Variants in PCDHGA2 observed in about 807,000 individuals in gnomAD.
PCDHGA2 encodes protocadherin gamma-A2.
A neutral mutation model predicts 59.2 loss-of-function variants in PCDHGA2; 40 were observed. The observed-to-expected ratio is 0.68, with a 90% confidence interval of 0.52 to 0.88. PCDHGA2 has a LOEUF of 0.88. PCDHGA2 is among the 40% of genes least tolerant of loss of function. The pLI, the probability that PCDHGA2 is intolerant of heterozygous loss-of-function variation, is 0.00. For synonymous variants in PCDHGA2, 560 were observed against 526.0 expected (o/e 1.06, Z -0.89); for missense variants, 1,226 against 1,204.0 (o/e 1.02, Z -0.27).
chr5:141,404,073 G>A lies in PCDHGA2; in HGVS notation c.2424+62678G>A, dbSNP rs746951310. On this transcript the variant is annotated intron_variant, in intron 1 of 3. Transcript: ENST00000394576. The stretch of plus-strand genomic sequence containing the variant: ...ATTCTTCTTTTCAATGCTCATGACC[G>A]AGACTCCGGGAAGAATGGTCAAGTT... The A allele has an allele frequency of 1.5e-5, 24 of 1,613,602 alleles. No individual in the cohort carries two copies. Among genetic ancestry groups the A allele is most frequent in the Non-Finnish European group, 1.9e-5 (22 of 1,179,684 alleles).
At chr5:141,346,518 C>T (rs750717219) in intron 1 of PCDHGA2, 8 of 1,596,460 alleles carry the variant, frequency 5.0e-6, no homozygotes, top group South Asian at 1.1e-5. Flanking sequence ...TATTATAAAG[C>T]TTTAACACAT....
chr5:141,384,575 C>A (rs754018989), intron 1 of PCDHGA2: 3 of 1,614,258 alleles, frequency 1.9e-6, no homozygotes, highest in Non-Finnish European at 2.5e-6. Context: ...AATGACAACC[C>A]GCCCGAGATC....
intron 1 of PCDHGA2, among the ~76,000 whole-genome samples, chr5:141,363,931 C>G (rs1415592577): frequency 6.6e-6 from 1 of 152,126 alleles, no homozygotes; most frequent in African/African-American, 2.4e-5. Flanking sequence ...GTATTGAGAT[C>G]TAATAATCAT....
chr5:141,441,905 C>G, intron 1 of PCDHGA2: 1 of 348,464 alleles, frequency 2.9e-6, no homozygotes, highest in Non-Finnish European at 5.5e-6. Flanking sequence ...GCTGTAGACG[C>G]AGATGTGAGA....
At chr5:141,401,815 C>A (rs1217081146) in intron 1 of PCDHGA2, among the ~76,000 whole-genome samples, 1 of 152,184 alleles carries the variant, frequency 6.6e-6, no homozygotes, top group Non-Finnish European at 1.5e-5. Context: ...GGGTTCCTTA[C>A]AAAGTGCTGA....
Position 141,490,046 on chromosome 5 carries a change from C to A in PCDHGA2, c.2425-4761C>A, listed in dbSNP as rs2099695274. ...CTGCTCCGCCTCAATGCCACTGATC[C>A]AGACGAGGGCACCAACGGCCAACTA... On this transcript the variant is annotated intron_variant, in intron 1 of 3. Transcript: ENST00000394576. This position sits in a 1 kb window ranked among gnomAD's most constrained non-coding sequence, Gnocchi z 5.4. 1 of 1,614,094 alleles carries A rather than the reference C, an allele frequency of 6.2e-7. No individual in the cohort carries two copies.
At chr5:141,389,191 T>G in intron 1 of PCDHGA2, 1 of 1,614,050 alleles carries the variant, frequency 6.2e-7, no homozygotes, top group African/African-American at 1.3e-5. Context: ...AGTTCCAGCA[T>G]CACCCTGCAC....
intron 2 of PCDHGA2, among the ~76,000 whole-genome samples, chr5:141,503,365 G>A (rs2099819492): frequency 6.6e-6 from 1 of 152,020 alleles, no homozygotes; most frequent in East Asian, 1.9e-4. Flanking sequence ...GGGAAGCGGA[G>A]GCAGGTGGAT....
chr5:141,477,296 G>C lies in PCDHGA2; in HGVS notation c.2425-17511G>C. On this transcript the variant is annotated intron_variant, in intron 1 of 3. Transcript: ENST00000394576. This position sits in a 1 kb window ranked among gnomAD's most constrained non-coding sequence, Gnocchi z 4.9. ...GCTGGTGACCTGCGAAGTTCCACCG[G>C]GTCTCCCTTTCAGCCTTACTTCTTC... 3 of 1,614,064 alleles carry C rather than the reference G, an allele frequency of 1.9e-6. No individual in the cohort carries two copies. Among genetic ancestry groups the C allele is most frequent in the African/African-American group, 1.3e-5 (1 of 75,014 alleles).
intron 1 of PCDHGA2, chr5:141,390,623 T>C (rs2092193421): frequency 3.8e-6 from 1 of 264,274 alleles, no homozygotes; most frequent in African/African-American, 2.3e-5. Flanking sequence ...TGTTGACTAA[T>C]ATATGATGAA....
chr5:141,380,206 G>C (rs750518608), intron 1 of PCDHGA2, among the ~76,000 whole-genome samples: 1 of 152,114 alleles, frequency 6.6e-6, no homozygotes, highest in South Asian at 2.1e-4. Flanking sequence ...GGCCTGAAAG[G>C]CATTCATTTC....
In PCDHGA2 at chr5:141,486,872, C is replaced by T. The variant is rs1320632059; in HGVS notation, c.2425-7935C>T. On this transcript the variant is annotated intron_variant, in intron 1 of 3. Transcript: ENST00000394576. The surrounding 1 kb of genome is among the most constrained non-coding windows in gnomAD (Gnocchi z 5.0). ...CAATGACAATGCTCCAGCTGTGCTC[C>T]GTCCTCGGGCCCGGCCTGGTTCCTT... The T allele has an allele frequency of 3.7e-6, 6 of 1,614,232 alleles. No individual in the cohort carries two copies. Among genetic ancestry groups the T allele is most frequent in the African/African-American group, 1.3e-5 (1 of 75,070 alleles).
At chr5:141,488,738 ATGCAGGAAGT>A (rs771423337) in intron 1 of PCDHGA2, among the ~76,000 whole-genome samples, 1 of 152,222 alleles carries the variant, frequency 6.6e-6, no homozygotes, top group Non-Finnish European at 1.5e-5. Flanking sequence ...TTCTGAAGTC[ATGCAGGAAGT>A]TGCTGGGACA....
chr5:141,426,806 T>C (rs1390972821), intron 1 of PCDHGA2: 1 of 456,600 alleles, frequency 2.2e-6, no homozygotes, highest in Non-Finnish European at 4.4e-6. Context: ...TCAGTTCTAA[T>C]GAACATTTCT....
At chr5:141,366,160 G>T in intron 1 of PCDHGA2, 1 of 1,614,118 alleles carries the variant, frequency 6.2e-7, no homozygotes, top group Non-Finnish European at 8.5e-7. Flanking sequence ...GCCTGCTTAA[G>T]GCCAGCGAGC....
chr5:141,421,216 T>G, intron 1 of PCDHGA2: 1 of 1,567,154 alleles, frequency 6.4e-7, no homozygotes, highest in Non-Finnish European at 8.6e-7. Flanking sequence ...GAATATCGGC[T>G]TAGAGCCTGC....
intron 1 of PCDHGA2, among the ~76,000 whole-genome samples, chr5:141,468,994 T>C (rs2099188173): frequency 6.7e-6 from 1 of 148,824 alleles, no homozygotes; most frequent in Non-Finnish European, 1.5e-5. Context: ...ATTATTGTTT[T>C]TGCTGGGTGC....
At chr5:141,410,340 T>C (rs1408707323) in intron 1 of PCDHGA2, 5 of 1,614,068 alleles carry the variant, frequency 3.1e-6, no homozygotes, top group Non-Finnish European at 2.5e-6. Context: ...GCCATTGCCT[T>C]GCGCCTGCGA....
Position 141,339,108 on chromosome 5 carries a change from G to A in PCDHGA2, c.137G>A (p.Gly46Asp). The part of the protein sequence containing the change: ...REEIDRGSFV[G>D]NIAKDLGLEP... ...GAGATCGACAGAGGCTCCTTCGTAG[G>A]CAACATCGCCAAGGACTTGGGTTTG... The change falls in exon 1 of 4, where the codon GGC becomes GAC. Residue 46 changes from glycine (G) to aspartate (D), a missense_variant. Transcript: ENST00000394576. 1 of 1,614,232 alleles carries A rather than the reference G, an allele frequency of 6.2e-7. No individual in the cohort carries two copies. The highest frequency in any genetic ancestry group is 8.5e-7 in the Non-Finnish European group (1 of 1,180,040).
Sources: allele counts gnomAD v4.1 joint callset (sites outside exome capture counted in the v4.1 genomes callset), GRCh38; gene constraint gnomAD v4.1.1; non-coding constraint Gnocchi (gnomAD v3.1); transcripts MANE v1.5; gene names NCBI Gene and HGNC (gene_info 2026-07-23, HGNC 2026-07-21).